The following LINGO2 variants were observed in gnomAD, a reference collection of about 807,000 sequenced individuals.
LINGO2 encodes leucine-rich repeat and immunoglobulin-like domain-containing nogo receptor-interacting protein 2.
Under a neutral mutation model 30.6 loss-of-function variants are expected in LINGO2, and 14 were observed. The ratio of observed to expected loss-of-function variants is 0.46; its 90% CI spans 0.30 to 0.72. The LOEUF (loss-of-function observed/expected upper bound fraction) is 0.72. LINGO2 is among the 30% of genes least tolerant of loss of function. The pLI is 0.07. For synonymous variants in LINGO2, 317 were observed against 288.5 expected, an observed-to-expected ratio of 1.10 and a Z score of -1.00; for missense variants, 729 against 751.7, an observed-to-expected ratio of 0.97 and a Z score of 0.35.
At chr9:27,995,659 A>G (rs368353577) in intron 5 of LINGO2, among the ~76,000 whole-genome samples, 8 of 152,330 alleles carry the variant, frequency 5.3e-5, no homozygotes, top group East Asian at 3.9e-4. Context: ...TAAATTTTAC[A>G]TCACTGCATG....
At chr9:29,112,543 A>G in the LINGO2 span, among the ~76,000 whole-genome samples, 1 of 152,192 alleles carries the variant, frequency 6.6e-6, no homozygotes, top group Non-Finnish European at 1.5e-5. Context: ...GCCCTAAGGC[A>G]TCTATTCAAA....
chr9:29,151,172 A>G, the LINGO2 span, among the ~76,000 whole-genome samples: 2 of 152,228 alleles, frequency 1.3e-5, no homozygotes, highest in African/African-American at 2.4e-5. Context: ...ACTAAGCTTC[A>G]TGACTGAAGG....
intron 4 of LINGO2, among the ~76,000 whole-genome samples, chr9:28,178,921 T>C (rs1165354928): frequency 6.6e-6 from 1 of 152,134 alleles, no homozygotes; most frequent in Non-Finnish European, 1.5e-5. Context: ...TTTCAATTTT[T>C]CTGAATCTAT....
chr9:28,082,464 A>AT lies in LINGO2; in HGVS notation c.-86-70060dup, dbSNP rs148203860. 1.4e-3 allele frequency among the ~76,000 whole-genome samples: 215 copies of AT among 151,334 alleles called. 1 individual carries two copies. The highest frequency in any genetic ancestry group is 3.5e-3 in the African/African-American group (144 of 41,228). On this transcript the variant is annotated intron_variant, in intron 4 of 5. Transcript: ENST00000379992. Reference sequence around the variant, plus strand: ...CAGAAATAAGTCACATCTTAATACAATTTTTTTTTCATTTTTACAAAGCTG... The same window carrying AT: ...CAGAAATAAGTCACATCTTAATACAATTTTTTTTTTCATTTTTACAAAGCTG...
chr9:28,298,391 C>T lies in LINGO2; in HGVS notation c.-245-3025G>A, dbSNP rs1161672967. On this transcript the variant is annotated intron_variant, in intron 3 of 5. Transcript: ENST00000379992. ...TTTTAAAAATGAATTTGGGGCTGGG[C>T]GCAGTGGCTCACACCTGTAATCCCA... Among the ~76,000 whole-genome samples the T allele has an allele frequency of 6.0e-5, 9 of 150,944 alleles. No homozygotes were observed. The South Asian group carries it at 1.0e-3, about 18-fold the overall frequency.
intron 4 of LINGO2, among the ~76,000 whole-genome samples, chr9:28,060,477 A>AT (rs1202928672): frequency 3.9e-5 from 6 of 152,250 alleles, no homozygotes; most frequent in African/African-American, 1.4e-4. Context: ...TTTTATTTAC[A>AT]TTTTACAAAT....
At chr9:28,537,978 C>G (rs1053467281) in intron 1 of LINGO2, among the ~76,000 whole-genome samples, 2 of 151,494 alleles carry the variant, frequency 1.3e-5, no homozygotes, top group Non-Finnish European at 2.9e-5. Context: ...TAATGACTGC[C>G]GGATTGACAG....
At position 28,473,984 on chromosome 9, in the gene LINGO2, A is replaced by C. The variant is rs1211936370; in HGVS notation, c.-279+1956T>G. Among the ~76,000 whole-genome samples the C allele has an allele frequency of 3.9e-5, 6 of 152,114 alleles. No individual in the cohort carries two copies. The East Asian group carries it at 1.2e-3, about 29-fold the overall frequency. On this transcript the variant is annotated intron_variant, in intron 2 of 5. Transcript: ENST00000379992. Reference sequence around the variant, plus strand: ...TTGAGAAAAATTCAATCTTCCTTTAATGTTTACTCACAACCAAAAGCTATT... The same window carrying C: ...TTGAGAAAAATTCAATCTTCCTTTACTGTTTACTCACAACCAAAAGCTATT...
At chr9:29,108,301 A>G in the LINGO2 span, among the ~76,000 whole-genome samples, 1 of 152,210 alleles carries the variant, frequency 6.6e-6, no homozygotes, top group East Asian at 1.9e-4. Context: ...GGAAGACTAG[A>G]TAACTAGAAT....
chr9:28,274,539 C>T (rs567880894), intron 4 of LINGO2, among the ~76,000 whole-genome samples: 8 of 152,242 alleles, frequency 5.3e-5, no homozygotes, highest in African/African-American at 1.7e-4. Context: ...CTTTCATTTA[C>T]CTTTTAAAAT....
At chr9:28,384,285 T>C (rs888269392) in intron 2 of LINGO2, among the ~76,000 whole-genome samples, 1 of 144,800 alleles carries the variant, frequency 6.9e-6, no homozygotes, top group African/African-American at 2.5e-5. Context: ...CAACCAATAC[T>C]CTGAATTCCA....
At chr9:29,028,034 G>T in the LINGO2 span, among the ~76,000 whole-genome samples, 3 of 152,106 alleles carry the variant, frequency 2.0e-5, no homozygotes, top group Non-Finnish European at 4.4e-5. Flanking sequence ...CTATGCTAAA[G>T]CAGGCTTACA....
intron 4 of LINGO2, among the ~76,000 whole-genome samples, chr9:28,155,459 G>C (rs1195682243): frequency 1.3e-5 from 2 of 152,146 alleles, no homozygotes. Flanking sequence ...CTAGACAATA[G>C]TCAAAATGAT....
the LINGO2 span, among the ~76,000 whole-genome samples, chr9:29,115,082 C>A: frequency 2.6e-5 from 4 of 151,908 alleles, no homozygotes; most frequent in East Asian, 7.8e-4. Context: ...AAGCTAATAC[C>A]CAACCTGAGT....
the LINGO2 span, among the ~76,000 whole-genome samples, chr9:28,867,124 G>A: frequency 3.3e-5 from 5 of 152,118 alleles, no homozygotes; most frequent in African/African-American, 1.2e-4. Flanking sequence ...TGCAGTTAAG[G>A]GCTAAATCAC....
intron 5 of LINGO2, among the ~76,000 whole-genome samples, chr9:27,993,027 C>T (rs1298785933): frequency 6.6e-6 from 1 of 152,090 alleles, no homozygotes; most frequent in Non-Finnish European, 1.5e-5. Context: ...CTGTAGAAAT[C>T]AATCATTGTC....
chr9:28,565,338 C>A (rs1219681311), intron 1 of LINGO2, among the ~76,000 whole-genome samples: 1 of 151,218 alleles, frequency 6.6e-6, no homozygotes, highest in African/African-American at 2.4e-5. Flanking sequence ...CAGGCGCCTG[C>A]CACCACGCCC....
intron 3 of LINGO2, among the ~76,000 whole-genome samples, chr9:28,311,361 G>C (rs1824611287): frequency 6.6e-6 from 1 of 152,120 alleles, no homozygotes; most frequent in Non-Finnish European, 1.5e-5. Flanking sequence ...TCAGGAGACA[G>C]GGTTTGAGAG....
At chr9:28,431,015 T>C (rs1433005844) in intron 2 of LINGO2, among the ~76,000 whole-genome samples, 1 of 128,952 alleles carries the variant, frequency 7.8e-6, no homozygotes, top group East Asian at 2.2e-4. Flanking sequence ...ACTTGCTTAC[T>C]ACAGCATGAG....
Sources: gnomAD v4.1 joint callset for allele counts (sites outside exome capture counted in the v4.1 genomes callset) on GRCh38, gnomAD v4.1.1 for gene constraint, MANE v1.5 for transcripts, NCBI Gene and HGNC (gene_info 2026-07-23, HGNC 2026-07-21) for gene names.